Variants in ATG4B observed in about 807,000 individuals in gnomAD.
ATG4B encodes the protein autophagy related 4B cysteine peptidase.
In ATG4B, 29 loss-of-function variants were observed where a neutral mutation model predicts 56.6. The observed-to-expected ratio is 0.51, with a 90% CI of 0.38 to 0.70. The LOEUF (loss-of-function observed/expected upper bound fraction) is 0.70. Ranked by LOEUF, ATG4B falls within the 30% of genes least tolerant of loss-of-function variation. The pLI is 0.00. For synonymous variants in ATG4B, 224 were observed against 206.1 expected, an observed-to-expected ratio of 1.09 and a Z score of -0.74; for missense variants, 461 against 515.5, an observed-to-expected ratio of 0.89 and a Z score of 1.02.
intron 7 of ATG4B, 77 bp downstream of exon 7, chr2:241,659,264 A>C: frequency 7.5e-7 from 1 of 1,337,200 alleles, no homozygotes; most frequent in Non-Finnish European, 1.1e-6. Flanking sequence ...CTGAGTCCCC[A>C]CGGGAGCCTC....
chr2:241,649,095 A>G (rs1271058146), intron 1 of ATG4B, among the ~76,000 whole-genome samples: 1 of 152,194 alleles, frequency 6.6e-6, no homozygotes, highest in Non-Finnish European at 1.5e-5. Context: ...TTAGAAGTTA[A>G]GTGAGTGGCC....
At position 241,655,291 on chromosome 2, in the gene ATG4B, G is replaced by A. The variant is rs1201145998; in HGVS notation, c.406G>A (p.Gly136Ser). Residue 136 changes from glycine to serine, a missense_variant, in exon 6 of 13, where the codon GGC becomes AGC. Physicochemically the swap from Gly to Ser is moderately conservative, Grantham distance 56 (BLOSUM62 0). Transcript: ENST00000404914. The part of the protein sequence containing the change: ...HQIAQMGVGE[G>S]KSIGQWYGPN... ...TGCAGCGCAAATGGGAGTTGGCGAA[G>A]GCAAGTCCATAGGCCAGTGGTACGG... 1 of 1,612,096 alleles carries A rather than the reference G, an allele frequency of 6.2e-7. No individual in the cohort carries two copies. Among genetic ancestry groups the A allele is most frequent in the Non-Finnish European group, 8.5e-7 (1 of 1,179,176 alleles).
intron 5 of ATG4B, 50 bp downstream of exon 5, chr2:241,654,697 G>C: frequency 6.7e-7 from 1 of 1,482,338 alleles, no homozygotes; most frequent in Non-Finnish European, 9.2e-7. Context: ...TCTGGAGAGG[G>C]TGGAGTGGTC....
intron 7 of ATG4B, among the ~76,000 whole-genome samples, chr2:241,665,409 C>A (rs762987266): frequency 6.6e-6 from 1 of 152,224 alleles, no homozygotes; most frequent in South Asian, 2.1e-4. Flanking sequence ...GATTTGTGTT[C>A]CTGGTTGAGG....
At chr2:241,637,910 G>C (rs972380764) in intron 1 of ATG4B, 186 bp downstream of exon 1, 28 of 472,788 alleles carry the variant, frequency 5.9e-5, no homozygotes, top group Non-Finnish European at 8.8e-5. Context: ...GGGAGCGGGA[G>C]GGGGACGGCG....
chr2:241,673,368 A>G lies in ATG4B; in HGVS notation c.*1104A>G, dbSNP rs2069044684. 5.5e-6 allele frequency: 2 copies of G among 360,472 alleles called. No individual in the cohort carries two copies. Among genetic ancestry groups the G allele is most frequent in the Admixed American group, 3.6e-5 (1 of 27,730 alleles). The allele number at this position is 360,472 out of a possible 1,614,324, so 22.3% of individuals were successfully genotyped here. ...GCTCTGCTGCCTGTCCTGGGAAAGT[A>G]TCTTTGCCCCACTAGGAAATGTAAA... On this transcript the variant is annotated 3_prime_UTR_variant, in exon 13 of 13. Transcript: ENST00000404914.
Position 241,668,157 on chromosome 2 carries a change from GC to G in ATG4B, c.751del (p.Gln251SerfsTer58). ...CCCCTCCACAGCACTGCTTCATGAT[GC>G]CCCAGTCCCTGGGCGTCATCGGAGG... Reference protein sequence around the residue: ...VETLKHCFMMPQSLGVIGGKP... With the variant: ...VETLKHCFMMXQSLGVIGGKP... On this transcript the variant is annotated frameshift_variant, in exon 9 of 13. Coordinates refer to ENST00000404914, the MANE Select transcript of ATG4B (RefSeq NM_013325.5). LOFTEE classifies it high-confidence loss of function. The surrounding 1 kb of genome is among the most constrained non-coding windows in gnomAD (Gnocchi z 4.2). 1.2e-6 allele frequency: 2 copies of G among 1,603,116 alleles called. No individual in the cohort carries two copies. The highest frequency in any genetic ancestry group is 1.7e-6 in the Non-Finnish European group (2 of 1,175,452).
chr2:241,660,142 A>G (rs1390734040), intron 7 of ATG4B, among the ~76,000 whole-genome samples: 1 of 152,126 alleles, frequency 6.6e-6, no homozygotes, highest in Non-Finnish European at 1.5e-5. Flanking sequence ...GTGAGCCTTG[A>G]TCACGCCACT....
intron 6 of ATG4B, among the ~76,000 whole-genome samples, chr2:241,656,748 C>G (rs557622957): frequency 6.6e-6 from 1 of 151,950 alleles, no homozygotes; most frequent in African/African-American, 2.4e-5. Context: ...AGCCAGAGCC[C>G]GTGCTGGCCC....
intron 1 of ATG4B, among the ~76,000 whole-genome samples, chr2:241,647,183 T>C (rs1000507855): frequency 6.6e-6 from 1 of 152,224 alleles, no homozygotes; most frequent in African/African-American, 2.4e-5. Context: ...AAGAGATACT[T>C]GCCAGTGTTC....
intron 12 of ATG4B, 130 bp from the exon 13 acceptor site, chr2:241,672,061 C>T (rs1467725036): frequency 4.1e-6 from 6 of 1,473,608 alleles, no homozygotes; most frequent in East Asian, 2.5e-5. Context: ...CCTGTTCACA[C>T]CCGCATGGGG....
At position 241,668,570 on chromosome 2, in the gene ATG4B, C is replaced by T. The variant is rs1325300778; in HGVS notation, c.842C>T (p.Thr281Ile). ...GAGCTCATCTACCTGGACCCCCACACCACGCAGCCAGCCGTGGAGCCCACT... is the reference window on the plus strand; with the variant it reads ...GAGCTCATCTACCTGGACCCCCACATCACGCAGCCAGCCGTGGAGCCCACT... ...GEELIYLDPH[T>I]TQPAVEPTDG... The change falls in exon 10 of 13, where the codon ACC (threonine) becomes ATC (isoleucine). Residue 281 changes from threonine to isoleucine, a missense_variant. Physicochemically the swap from Thr to Ile is moderately conservative, Grantham distance 89. Coordinates refer to ENST00000404914, the MANE Select transcript of ATG4B (RefSeq NM_013325.5). This position sits in a 1 kb window ranked among gnomAD's most constrained non-coding sequence, Gnocchi z 4.2. 3 of 1,609,448 alleles carry T rather than the reference C, an allele frequency of 1.9e-6. No individual in the cohort carries two copies. The South Asian group carries it at 3.3e-5, about 18-fold the overall frequency.
At chr2:241,639,405 C>T (rs530659600) in intron 1 of ATG4B, among the ~76,000 whole-genome samples, 13 of 152,334 alleles carry the variant, frequency 8.5e-5, no homozygotes, top group African/African-American at 2.4e-4. Flanking sequence ...GGGCTGGCTC[C>T]GTCCCCGCTG....
intron 1 of ATG4B, among the ~76,000 whole-genome samples, chr2:241,644,622 G>A (rs1311956771): frequency 6.6e-6 from 1 of 152,128 alleles, no homozygotes; most frequent in African/African-American, 2.4e-5. Flanking sequence ...CTATCGAGCA[G>A]GCTGTCAGAC....
intron 1 of ATG4B, among the ~76,000 whole-genome samples, chr2:241,645,668 T>C (rs2068039740): frequency 6.6e-6 from 1 of 152,320 alleles, no homozygotes; most frequent in Admixed American, 6.5e-5. Context: ...ACTCCACAGC[T>C]GGCGCTCCAG....
intron 1 of ATG4B, among the ~76,000 whole-genome samples, chr2:241,641,863 G>C (rs1372209182): frequency 1.3e-5 from 2 of 152,172 alleles, no homozygotes; most frequent in Non-Finnish European, 2.9e-5. Flanking sequence ...CCACAGTGTG[G>C]CTGTGTTCTC....
At chr2:241,653,695 G>A (rs906223731) in intron 4 of ATG4B, 85 bp downstream of exon 4, 3 of 1,207,956 alleles carry the variant, frequency 2.5e-6, no homozygotes, top group Non-Finnish European at 3.5e-6. Flanking sequence ...CTTTAGAGCA[G>A]ACCACAGGTA....
intron 1 of ATG4B, among the ~76,000 whole-genome samples, chr2:241,639,440 G>A (rs955224557): frequency 1.3e-5 from 2 of 152,212 alleles, no homozygotes; most frequent in Non-Finnish European, 2.9e-5. Flanking sequence ...CTCCTGTCAC[G>A]TGGGGTGTCA....
chr2:241,650,913 T>C, intron 1 of ATG4B, 97 bp from the exon 2 acceptor site: 1 of 1,000,772 alleles, frequency 1.0e-6, no homozygotes, highest in Non-Finnish European at 1.5e-6. Context: ...AATTTACAGT[T>C]GTTCTCTTCA....
Sources: allele counts gnomAD v4.1 joint callset (sites outside exome capture counted in the v4.1 genomes callset), GRCh38; gene constraint gnomAD v4.1.1; non-coding constraint Gnocchi (gnomAD v3.1); transcripts MANE v1.5; gene names NCBI Gene and HGNC (gene_info 2026-07-23, HGNC 2026-07-21).